Variants in AIM2 observed in about 807,000 individuals in gnomAD.
AIM2 encodes the protein absent in melanoma 2, also known as interferon-inducible protein AIM2.
Under a neutral mutation model 27.7 loss-of-function variants are expected in AIM2, and 30 were observed. That is an observed-to-expected ratio of 1.08 (90% CI 0.81 to 1.47). The LOEUF (loss-of-function observed/expected upper bound fraction) is 1.47, where lower values mean the gene tolerates loss of function less well. Among genes scored for constraint, AIM2 ranks in the 40% most tolerant of loss-of-function variants. The probability of loss-of-function intolerance (pLI) is 0.00; values close to 1 mark genes in which losing one functional copy is unlikely to be tolerated. For missense variants in AIM2, 358 were observed against 411.3 expected, an observed-to-expected ratio of 0.87 and a Z score of 1.12; for synonymous variants, 141 against 145.3, an observed-to-expected ratio of 0.97 and a Z score of 0.21.
At chr1:159,115,007 A>G (rs1570972790) in intron 1 of AIM2, among the ~76,000 whole-genome samples, 4 of 152,234 alleles carry the variant, frequency 2.6e-5, no homozygotes, top group East Asian at 1.9e-4. Flanking sequence ...AAATCAATGT[A>G]CAAAAATCAC....
intron 2 of AIM2, among the ~76,000 whole-genome samples, chr1:159,070,756 A>C (rs902499543): frequency 8.5e-5 from 13 of 152,228 alleles, no homozygotes; most frequent in African/African-American, 2.4e-4. Flanking sequence ...TTGTAGCAGG[A>C]TCTCTGCACT....
At position 159,073,271 on chromosome 1, in the gene AIM2, A is replaced by G; in HGVS notation, c.229T>C (p.Leu77=). Residue 77 remains leucine (L), a synonymous_variant, in exon 2 of 6, where the codon TTG becomes CTG. Transcript: ENST00000368130. ...RIFQKLNYML[L]AKRLQEEKEK... ...TTCTCCTCCTGAAGACGTTTTGCCA[A>G]AAGCATATAATTCAACTTCTGAAAA... is the stretch of plus-strand genomic sequence containing the variant. 1 of 1,614,192 alleles carries G rather than the reference A, an allele frequency of 6.2e-7. No homozygotes were observed. The highest frequency in any genetic ancestry group is 1.1e-5 in the South Asian group (1 of 91,090).
In AIM2 at chr1:159,115,949, T is replaced by C. The variant is rs1387988879; in HGVS notation, c.-16+24482A>G. On this transcript the variant is annotated intron_variant, in intron 1 of 2. Coordinates refer to the AIM2 transcript ENST00000368129. ...ATCTACTCATCTGACAAAGGGCTAA[T>C]ATCCAGAATCTACAATGAACTCCAA... is the stretch of plus-strand genomic sequence containing the variant. Among the ~76,000 whole-genome samples the C allele has an allele frequency of 7.2e-5, 11 of 152,240 alleles. No homozygotes were observed. The South Asian group carries it at 1.9e-3, about 26-fold the overall frequency.
Position 159,066,057 on chromosome 1 carries a change from G to C in AIM2, c.669C>G (p.Ser223Arg), listed in dbSNP as rs148686373. The C allele has an allele frequency of 6.2e-7, 1 of 1,614,046 alleles. No homozygotes were observed. ...ATTCAGCATCTAACACACGTGAGGCGCTATTTACCTCTAAGAAACCACTGT... is the reference window on the plus strand; with the variant it reads ...ATTCAGCATCTAACACACGTGAGGCCCTATTTACCTCTAAGAAACCACTGT... ...YRHSGFLEVN[S>R]ASRVLDAESD... Residue 223 changes from serine (S) to arginine (R), a missense_variant, in exon 4 of 6, where the codon AGC becomes AGG. Coordinates refer to ENST00000368130, the MANE Select transcript of AIM2 (RefSeq NM_004833.3).
chr1:159,127,738 C>T (rs1212186070), intron 1 of AIM2, among the ~76,000 whole-genome samples: 1 of 152,106 alleles, frequency 6.6e-6, no homozygotes, highest in African/African-American at 2.4e-5. Context: ...GCAAGTGGGC[C>T]CTCACCACAC....
chr1:159,111,814 A>T (rs962791950), intron 1 of AIM2, among the ~76,000 whole-genome samples: 3 of 146,776 alleles, frequency 2.0e-5, no homozygotes, highest in Non-Finnish European at 4.5e-5. Flanking sequence ...AAAAAAAAAA[A>T]CTATCTATCT....
chr1:159,075,518 G>A (rs1656563550), intron 1 of AIM2, among the ~76,000 whole-genome samples: 1 of 144,508 alleles, frequency 6.9e-6, no homozygotes, highest in South Asian at 2.2e-4. Context: ...GGCAAAAACT[G>A]GGCAGATACC....
chr1:159,134,813 C>T (rs1029844952), intron 1 of AIM2, among the ~76,000 whole-genome samples: 14 of 152,236 alleles, frequency 9.2e-5, no homozygotes, highest in South Asian at 6.2e-4. Flanking sequence ...GCCTGGGAAA[C>T]GGGGCAAGAC....
downstream of AIM2, among the ~76,000 whole-genome samples, chr1:159,062,056 G>A (rs1655855824): frequency 6.6e-6 from 1 of 151,978 alleles, no homozygotes; most frequent in African/African-American, 2.4e-5. Context: ...AATTGTTGTT[G>A]TAGCTTTTTT....
intron 1 of AIM2, among the ~76,000 whole-genome samples, chr1:159,111,814 ACTATCTATCTATCTATCATCTATCTAT>A (rs1304037329): frequency 2.0e-5 from 3 of 146,776 alleles, no homozygotes; most frequent in Non-Finnish European, 3.0e-5. Flanking sequence ...AAAAAAAAAA[ACTATCTATCTATCTATCATCTATCTAT>A]CTATCTATCT....
intron 1 of AIM2, among the ~76,000 whole-genome samples, chr1:159,096,575 A>T (rs182001800): frequency 9.2e-5 from 14 of 152,246 alleles, no homozygotes; most frequent in Admixed American, 4.6e-4. Context: ...AGACAATTTA[A>T]ATTTATTTCT....
In AIM2 at chr1:159,062,570, G is replaced by A; in HGVS notation, c.*122C>T. ...AATTATTCTATCCTAATTTGGTGGA[G>A]AGAGGAGCCTGTGAACTGCAGCTTT... On this transcript the variant is annotated 3_prime_UTR_variant, in exon 6 of 6. Transcript: ENST00000368130. 4 of 845,154 alleles carry A rather than the reference G, an allele frequency of 4.7e-6. No individual in the cohort carries two copies. Among genetic ancestry groups the A allele is most frequent in the Admixed American group, 2.3e-5 (1 of 42,964 alleles). 52.4% of individuals were successfully genotyped at this position (845,154 alleles called of 1,614,324 possible).
At chr1:159,096,051 G>A (rs1464645612) in intron 1 of AIM2, among the ~76,000 whole-genome samples, 1 of 152,094 alleles carries the variant, frequency 6.6e-6, no homozygotes, top group Non-Finnish European at 1.5e-5. Context: ...AAGCTGTCTT[G>A]GTAGAGTACA....
chr1:159,091,189 C>A (rs1215073051), intron 1 of AIM2, among the ~76,000 whole-genome samples: 1 of 152,156 alleles, frequency 6.6e-6, no homozygotes, highest in Admixed American at 6.5e-5. Flanking sequence ...AATAAAGTAA[C>A]AAATAATACA....
upstream of AIM2, among the ~76,000 whole-genome samples, chr1:159,080,560 A>G (rs1656753506): frequency 6.6e-6 from 1 of 152,222 alleles, no homozygotes; most frequent in Non-Finnish European, 1.5e-5. Flanking sequence ...TCCTTTAAAC[A>G]GTGGTTTCCA....
At chr1:159,109,557 G>C (rs1474324201) in intron 1 of AIM2, among the ~76,000 whole-genome samples, 1 of 152,050 alleles carries the variant, frequency 6.6e-6, no homozygotes, top group Non-Finnish European at 1.5e-5. Flanking sequence ...AAGATCAATA[G>C]GTGGGATTTA....
At chr1:159,115,025 C>T (rs1647295851) in intron 1 of AIM2, among the ~76,000 whole-genome samples, 1 of 152,260 alleles carries the variant, frequency 6.6e-6, no homozygotes, top group South Asian at 2.1e-4. Context: ...CACAAGCATT[C>T]TTATACACCA....
chr1:159,074,291 C>A (rs1320545898), intron 1 of AIM2, among the ~76,000 whole-genome samples: 3 of 152,058 alleles, frequency 2.0e-5, no homozygotes, highest in Non-Finnish European at 2.9e-5. Context: ...TTATGTCTTC[C>A]TGTAAGAATT....
chr1:159,135,726 T>C (rs746073484), intron 1 of AIM2, among the ~76,000 whole-genome samples: 1 of 152,230 alleles, frequency 6.6e-6, no homozygotes, highest in East Asian at 1.9e-4. Context: ...TCTATAGATG[T>C]AGCAAAGGAA....
Sources: allele counts gnomAD v4.1 joint callset (sites outside exome capture counted in the v4.1 genomes callset), GRCh38; gene constraint gnomAD v4.1.1; transcripts MANE v1.5; gene names NCBI Gene and HGNC (gene_info 2026-07-23, HGNC 2026-07-21).